Variants in BRF1 observed in about 807,000 individuals in gnomAD.
BRF1 encodes the protein BRF1 general transcription factor IIIB subunit, also known as transcription factor IIIB 90 kDa subunit.
A neutral mutation model predicts 81.7 loss-of-function variants in BRF1; 59 were observed. The observed-to-expected ratio is 0.72, with a 90% CI of 0.59 to 0.90. The LOEUF is 0.90. BRF1 is among the 40% of genes least tolerant of loss of function. The pLI, the probability that BRF1 is intolerant of heterozygous loss-of-function variation, is 0.00. For synonymous variants in BRF1, 491 were observed against 395.6 expected, an observed-to-expected ratio of 1.24 and a Z score of -2.86; for missense variants, 1,050 against 936.3, an observed-to-expected ratio of 1.12 and a Z score of -1.58.
intron 4 of BRF1, among the ~76,000 whole-genome samples, chr14:105,254,859 G>A (rs1014010183): frequency 1.3e-5 from 2 of 152,246 alleles, no homozygotes; most frequent in African/African-American, 4.8e-5. Context: ...ACCGCGCCCG[G>A]CCTAAATACA....
intron 2 of BRF1, 32 bp from the exon 3 acceptor site, chr14:105,272,926 A>G: frequency 6.5e-7 from 1 of 1,549,816 alleles, no homozygotes; most frequent in Non-Finnish European, 8.8e-7. Flanking sequence ...CTCTTAGCCA[A>G]ATGTTCCCAC....
intron 5 of BRF1, chr14:105,247,621 C>T (rs1422050740): frequency 1.0e-6 from 1 of 985,418 alleles, no homozygotes; most frequent in East Asian, 1.1e-4. Context: ...CTGTTTAGCC[C>T]AGGACTGCGG....
At chr14:105,220,169 C>A in intron 11 of BRF1, 39 bp from the exon 12 acceptor site, 1 of 1,611,964 alleles carries the variant, frequency 6.2e-7, no homozygotes, top group Non-Finnish European at 8.5e-7. Context: ...TCAGGGCCAG[C>A]ACTGATTATA....
chr14:105,286,874 T>C (rs1400758457), intron 1 of BRF1, among the ~76,000 whole-genome samples: 1 of 152,118 alleles, frequency 6.6e-6, no homozygotes, highest in African/African-American at 2.4e-5. Context: ...CAGATGTACC[T>C]CCAAACCTCT....
chr14:105,297,283 T>C (rs1417179678), intron 1 of BRF1, among the ~76,000 whole-genome samples: 1 of 151,828 alleles, frequency 6.6e-6, no homozygotes, highest in Non-Finnish European at 1.5e-5. Context: ...ATAGAAAAAA[T>C]GTCAGCTGGG....
In BRF1 at chr14:105,273,817, C is replaced by T. The variant is rs587617386; in HGVS notation, c.266-923G>A. ...GCCCTGGAAAGCCGGGTATTGTCCA[C>T]GGTTTCTCCCCATGTGATAGTCTGA... On this transcript the variant is annotated intron_variant, in intron 2 of 17. Transcript: ENST00000547530. 7.9e-5 allele frequency among the ~76,000 whole-genome samples: 12 copies of T among 152,336 alleles called. No individual in the cohort carries two copies. The East Asian group carries it at 2.1e-3, about 27-fold the overall frequency.
intron 2 of BRF1, among the ~76,000 whole-genome samples, chr14:105,276,032 G>A (rs587615532): frequency 3.1e-4 from 24 of 76,240 alleles, no homozygotes; most frequent in South Asian, 5.7e-4. Flanking sequence ...GCTGAGAGGC[G>A]GCCCTCACTA....
chr14:105,292,454 C>T (rs1208049807), intron 1 of BRF1, among the ~76,000 whole-genome samples: 1 of 152,160 alleles, frequency 6.6e-6, no homozygotes, highest in Admixed American at 6.5e-5. Context: ...CTCAAGTGAT[C>T]CTCCCACCTT....
Position 105,212,156 on chromosome 14 carries a change from G to C in BRF1, c.1781C>G (p.Pro594Arg), listed in dbSNP as rs1282003814. The C allele has an allele frequency of 5.0e-6, 8 of 1,612,374 alleles. No homozygotes were observed. Among genetic ancestry groups the C allele is most frequent in the Non-Finnish European group, 6.8e-6 (8 of 1,179,494 alleles). ...PVTSVGKRLRPLVSTQPAKKV... is the reference protein window; with the variant it reads ...PVTSVGKRLRRLVSTQPAKKV... ...CTTTGCTGGCTGCGTAGACACCAGA[G>C]GCCTCAACCTGCAAAAGGAAGCACA... Residue 594 changes from proline to arginine, a missense_variant, in exon 16 of 18, where the codon CCT becomes CGT. Physicochemically the swap from Pro to Arg is moderately radical, Grantham distance 103. This residue lies in a region of BRF1 where 1,043 missense variants were observed against 915.4 expected (regional missense o/e 1.14). Coordinates refer to ENST00000547530, the MANE Select transcript of BRF1 (RefSeq NM_001519.4).
chr14:105,247,063 C>T, intron 5 of BRF1: 1 of 985,466 alleles, frequency 1.0e-6, no homozygotes, highest in Non-Finnish European at 1.2e-6. Flanking sequence ...ACTGCTTATG[C>T]CCGTTACCTT....
chr14:105,217,714 G>A lies in BRF1; in HGVS notation c.1602C>T (p.Ile534=), dbSNP rs752830642. The A allele has an allele frequency of 5.5e-5, 89 of 1,613,310 alleles. No individual in the cohort carries two copies. The highest frequency in any genetic ancestry group is 7.3e-5 in the Non-Finnish European group (86 of 1,180,028). ...AIEKMLEQKK[I]SSKINYSVLR... ...GCACGCTATAATTGATCTTGCTGGA[G>A]ATCTTCTTCTGCTCCAGCATCTTCT... Residue 534 remains isoleucine (I), a synonymous_variant, in exon 15 of 18, where the codon ATC becomes ATT. Transcript: ENST00000547530.
rs959404393 is a variant in BRF1, at chr14:105,227,188, G to C, written c.789-428C>G. 1.4e-4 allele frequency: 27 copies of C among 197,952 alleles called. 1 individual carries two copies. The Admixed American group carries it at 1.5e-3, about 11-fold the overall frequency. 12.3% of individuals were successfully genotyped at this position (197,952 alleles called of 1,614,324 possible). On this transcript the variant is annotated intron_variant, in intron 7 of 17. Transcript: ENST00000547530. ...TAATCCCAGCATGTGGGAGGCCGAA[G>C]TGGTAGGATCACCTGAGGTCAGGAG...
intron 1 of BRF1, among the ~76,000 whole-genome samples, chr14:105,294,587 G>A (rs1653867197): frequency 6.6e-6 from 1 of 152,232 alleles, no homozygotes; most frequent in Non-Finnish European, 1.5e-5. Context: ...GTCCTAGGAA[G>A]ATACCCAGGG....
At chr14:105,298,953 G>C (rs2057859365) in intron 1 of BRF1, among the ~76,000 whole-genome samples, 1 of 151,294 alleles carries the variant, frequency 6.6e-6, no homozygotes, top group South Asian at 2.1e-4. Flanking sequence ...GGCGGATCAC[G>C]AGGTCAGGAG....
At chr14:105,306,682 C>T (rs979439839) in intron 1 of BRF1, among the ~76,000 whole-genome samples, 6 of 150,514 alleles carry the variant, frequency 4.0e-5, no homozygotes, top group African/African-American at 1.2e-4. Flanking sequence ...CTTGATGTAC[C>T]GCAATCTCTA....
chr14:105,304,770 C>T (rs1200679502), upstream of BRF1, among the ~76,000 whole-genome samples: 3 of 152,246 alleles, frequency 2.0e-5, no homozygotes, highest in South Asian at 2.1e-4. Context: ...GAGCAAGTCA[C>T]GTCTTACGTG....
At position 105,271,234 on chromosome 14, in the gene BRF1, G is replaced by A. The variant is rs587699836; in HGVS notation, c.439+1487C>T. Among the ~76,000 whole-genome samples the A allele has an allele frequency of 4.6e-5, 7 of 152,354 alleles. No homozygotes were observed. Among genetic ancestry groups the A allele is most frequent in the African/African-American group, 1.7e-4 (7 of 41,600 alleles). ...AGAGAAGAAGGGAGACACATCTAAC[G>A]ACGAATTCAACAGAAGCTCAGGACA... On this transcript the variant is annotated intron_variant, in intron 3 of 17. Transcript: ENST00000547530. The surrounding 1 kb of genome is among the most constrained non-coding windows in gnomAD (Gnocchi z 5.5).
intron 3 of BRF1, among the ~76,000 whole-genome samples, chr14:105,259,694 A>G (rs957676208): frequency 6.6e-6 from 1 of 152,180 alleles, no homozygotes; most frequent in Admixed American, 6.5e-5. Flanking sequence ...CAGTCACTTG[A>G]GGCCAGGAGT....
intron 3 of BRF1, among the ~76,000 whole-genome samples, chr14:105,264,705 G>A (rs1046135219): frequency 2.0e-5 from 3 of 150,940 alleles, no homozygotes; most frequent in Admixed American, 2.0e-4. Flanking sequence ...AGTGGGTGTG[G>A]TGGCGCATAC....
Sources: gnomAD v4.1 joint callset for allele counts (sites outside exome capture counted in the v4.1 genomes callset) on GRCh38, gnomAD v4.1.1 for gene constraint, gnomAD v4.1.1 regional missense constraint, Gnocchi (gnomAD v3.1) non-coding constraint, MANE v1.5 for transcripts, NCBI Gene and HGNC (gene_info 2026-07-23, HGNC 2026-07-21) for gene names.